Variants in LGSN observed in about 807,000 individuals in gnomAD.
The protein encoded by LGSN is lengsin, lens protein with glutamine synthetase domain.
In LGSN, 21 loss-of-function variants were observed where a neutral mutation model predicts 19.5. That is an observed-to-expected ratio of 1.07 (90% CI 0.76 to 1.55). The LOEUF (loss-of-function observed/expected upper bound fraction) is 1.55. Among genes scored for constraint, LGSN ranks in the 40% most tolerant of loss-of-function variants. The pLI, the probability that LGSN is intolerant of heterozygous loss-of-function variation, is 0.00. For synonymous variants in LGSN, 257 were observed against 215.6 expected (o/e 1.19, Z -1.68); for missense variants, 673 against 608.5 (o/e 1.11, Z -1.12).
chr6:63,302,682 A>G (rs1768230506), intron 1 of LGSN, among the ~76,000 whole-genome samples: 1 of 152,246 alleles, frequency 6.6e-6, no homozygotes. Context: ...ATTGCCTACA[A>G]TAACCCATTT....
chr6:63,398,470 A>G, the LGSN span, among the ~76,000 whole-genome samples: 1 of 152,184 alleles, frequency 6.6e-6, no homozygotes, highest in East Asian at 1.9e-4. Context: ...TACATGTAAA[A>G]ATAGAAAAAA....
At chr6:63,310,938 C>T (rs1768604018) in intron 1 of LGSN, among the ~76,000 whole-genome samples, 1 of 152,178 alleles carries the variant, frequency 6.6e-6, no homozygotes, top group Non-Finnish European at 1.5e-5. Context: ...CTAACTTTCT[C>T]AAAACACTTT....
At chr6:63,380,317 C>T in the LGSN span, among the ~76,000 whole-genome samples, 2 of 152,178 alleles carry the variant, frequency 1.3e-5, no homozygotes, top group Non-Finnish European at 2.9e-5. Flanking sequence ...TTGGTAGGTA[C>T]TTGGCAGACA....
chr6:63,284,160 T>C (rs577579625), intron 3 of LGSN, among the ~76,000 whole-genome samples: 2 of 152,306 alleles, frequency 1.3e-5, no homozygotes, highest in African/African-American at 4.8e-5. Flanking sequence ...AGATACTCTA[T>C]GATCATTAAA....
chr6:63,450,679 GTT>G, the LGSN span, among the ~76,000 whole-genome samples: 1 of 145,004 alleles, frequency 6.9e-6, no homozygotes, highest in South Asian at 2.2e-4. Flanking sequence ...GATTATAATG[GTT>G]TTTTTTTTTT....
the LGSN span, among the ~76,000 whole-genome samples, chr6:63,409,190 G>A: frequency 6.6e-6 from 1 of 152,170 alleles, no homozygotes; most frequent in Non-Finnish European, 1.5e-5. Context: ...GAGATTATAG[G>A]TGTGAGCCAC....
chr6:63,498,676 T>C, the LGSN span, among the ~76,000 whole-genome samples: 1 of 152,114 alleles, frequency 6.6e-6, no homozygotes, highest in South Asian at 2.1e-4. Context: ...AGTGAAGCAA[T>C]GTTTTCATGT....
rs764275316 is a variant in LGSN at position 63,280,789 on chromosome 6, G to A, written c.762C>T (p.Val254=). 29 of 1,613,942 alleles carry A rather than the reference G, an allele frequency of 1.8e-5. No individual in the cohort carries two copies. The highest frequency in any genetic ancestry group is 3.3e-4 in the Middle Eastern group (2 of 6,084). ...GCCTGGTAGAGGAGGAAAAACTCTC[G>A]ACATTGGCTCCAGTGTGATACAAGC... The part of the protein sequence containing the change: ...VDGLYHTGAN[V]ESFSSSTRPG... Residue 254 remains valine, a synonymous_variant, in exon 4 of 4, where the codon GTC becomes GTT. Transcript: ENST00000370657.
chr6:63,399,090 A>G, the LGSN span, among the ~76,000 whole-genome samples: 1 of 151,916 alleles, frequency 6.6e-6, no homozygotes, highest in East Asian at 1.9e-4. Context: ...TACAAACATG[A>G]GTTATCGCAC....
the LGSN span, among the ~76,000 whole-genome samples, chr6:63,506,848 A>G: frequency 6.6e-6 from 1 of 152,148 alleles, no homozygotes; most frequent in Non-Finnish European, 1.5e-5. Context: ...TTTGCCCACA[A>G]ATATCTCACT....
At chr6:63,442,116 T>C in the LGSN span, among the ~76,000 whole-genome samples, 1 of 151,928 alleles carries the variant, frequency 6.6e-6, no homozygotes, top group African/African-American at 2.4e-5. Context: ...GCATCTGGAG[T>C]TGTTTGTTCC....
At chr6:63,460,145 A>G in the LGSN span, among the ~76,000 whole-genome samples, 60,032 of 118,710 alleles carry the variant, frequency 0.51, 15,587 homozygotes, top group Middle Eastern at 0.64. Flanking sequence ...TTTTTAGTAG[A>G]GACGGAGTTT....
the LGSN span, among the ~76,000 whole-genome samples, chr6:63,463,262 A>G: frequency 6.6e-6 from 1 of 152,222 alleles, no homozygotes; most frequent in African/African-American, 2.4e-5. Flanking sequence ...ATAGTACCTG[A>G]CATGTATAAA....
the LGSN span, among the ~76,000 whole-genome samples, chr6:63,367,089 T>C: frequency 6.6e-6 from 1 of 151,992 alleles, no homozygotes; most frequent in African/African-American, 2.4e-5. Context: ...AATTGACAAA[T>C]AGGATCTAAT....
the LGSN span, among the ~76,000 whole-genome samples, chr6:63,522,499 C>T: frequency 1.3e-5 from 2 of 152,144 alleles, no homozygotes; most frequent in Non-Finnish European, 2.9e-5. Flanking sequence ...AGACTGTATC[C>T]ATGACAAGCT....
chr6:63,476,108 T>A, the LGSN span, among the ~76,000 whole-genome samples: 5 of 152,204 alleles, frequency 3.3e-5, no homozygotes, highest in Non-Finnish European at 4.4e-5. Flanking sequence ...TGGTTTTTTT[T>A]ACTGATAGAT....
chr6:63,486,235 C>CCTA, the LGSN span, among the ~76,000 whole-genome samples: 2 of 152,148 alleles, frequency 1.3e-5, no homozygotes, highest in African/African-American at 4.8e-5. Context: ...TAATATCTCT[C>CCTA]ACATGACTAT....
chr6:63,304,601 A>G (rs1003334572), intron 1 of LGSN, among the ~76,000 whole-genome samples: 21 of 152,198 alleles, frequency 1.4e-4, no homozygotes, highest in African/African-American at 5.1e-4. Context: ...CATCTGGCTT[A>G]TTCTTTGATC....
At chr6:63,546,229 T>A in the LGSN span, among the ~76,000 whole-genome samples, 2 of 152,156 alleles carry the variant, frequency 1.3e-5, no homozygotes, top group Non-Finnish European at 2.9e-5. Flanking sequence ...ATACTGTCCT[T>A]TGCTATGACA....
Sources: allele counts gnomAD v4.1 joint callset (sites outside exome capture counted in the v4.1 genomes callset), GRCh38; gene constraint gnomAD v4.1.1; transcripts MANE v1.5; gene names NCBI Gene and HGNC (gene_info 2026-07-23, HGNC 2026-07-21).